POLA1: variants seen among roughly 807,000 people sequenced by gnomAD.
The protein encoded by POLA1 is DNA polymerase alpha 1, catalytic subunit.
A neutral mutation model predicts 124.0 loss-of-function variants in POLA1; 15 were observed. The ratio of observed to expected loss-of-function variants is 0.12; its 90% CI spans 0.08 to 0.19. POLA1 has a LOEUF of 0.19. Among genes scored for constraint, POLA1 ranks in the 10% least tolerant of loss-of-function variants. The probability of loss-of-function intolerance (pLI) is 1.00; values close to 1 mark genes in which losing one functional copy is unlikely to be tolerated. For missense variants in POLA1, 886 were observed against 1,103.4 expected, an observed-to-expected ratio of 0.80 and a Z score of 2.79; for synonymous variants, 408 against 389.4, an observed-to-expected ratio of 1.05 and a Z score of -0.56.
intron 36 of POLA1, among the ~76,000 whole-genome samples, chrX:24,975,083 C>G (rs909227358): frequency 3.6e-4 from 41 of 112,439 alleles, no homozygotes; most frequent in African/African-American, 1.2e-3. Flanking sequence ...ATGATCTCGG[C>G]TCACTGCAAC....
At chrX:24,809,848 A>C (rs761489616) in intron 26 of POLA1, 50 bp from the exon 27 acceptor site, 6 of 758,176 alleles carry the variant, frequency 7.9e-6, no homozygotes, top group Non-Finnish European at 1.2e-5. Context: ...GCTTCTATTT[A>C]TGTCTTTATA....
chrX:24,989,593 T>TA (rs1215400054), intron 36 of POLA1, among the ~76,000 whole-genome samples: 4 of 111,425 alleles, frequency 3.6e-5, no homozygotes, highest in African/African-American at 1.3e-4. Flanking sequence ...CTAATGAAGA[T>TA]ACTCAGAATG....
At chrX:24,983,051 C>A (rs949632919) in intron 36 of POLA1, among the ~76,000 whole-genome samples, 15 of 111,958 alleles carry the variant, frequency 1.3e-4, no homozygotes, top group African/African-American at 4.9e-4. Context: ...TTCTGGGCTG[C>A]CTTTCTTCTA....
chrX:24,877,828 C>A (rs1333076432), intron 34 of POLA1, among the ~76,000 whole-genome samples: 2 of 111,208 alleles, frequency 1.8e-5, no homozygotes, highest in Non-Finnish European at 3.8e-5. Context: ...TCCCATGTTG[C>A]AGCCAAAGGT....
chrX:24,925,030 C>CA (rs2047670924), intron 35 of POLA1, among the ~76,000 whole-genome samples: 1 of 111,960 alleles, frequency 8.9e-6, no homozygotes, highest in South Asian at 3.7e-4. Flanking sequence ...TGATCTCTGT[C>CA]AGTGCTAGTG....
At chrX:24,969,064 T>C (rs2048266046) in intron 36 of POLA1, among the ~76,000 whole-genome samples, 1 of 109,988 alleles carries the variant, frequency 9.1e-6, no homozygotes. Flanking sequence ...AAAAATTAGC[T>C]GGGTGTGGTG....
At chrX:24,938,887 A>G (rs1332253838) in intron 36 of POLA1, among the ~76,000 whole-genome samples, 1 of 112,347 alleles carries the variant, frequency 8.9e-6, no homozygotes, top group African/African-American at 3.2e-5. Context: ...GGCTCTGTAC[A>G]TTTTCTGCCA....
At chrX:24,885,815 C>T (rs747033912) in intron 34 of POLA1, among the ~76,000 whole-genome samples, 24 of 112,288 alleles carry the variant, frequency 2.1e-4, no homozygotes, top group African/African-American at 3.2e-4. Flanking sequence ...TGAACCACTG[C>T]GCCCGGCCAG....
chrX:24,744,172 A>AT (rs1425606204), intron 23 of POLA1, among the ~76,000 whole-genome samples: 1 of 112,845 alleles, frequency 8.9e-6, no homozygotes, highest in Non-Finnish European at 1.9e-5. Flanking sequence ...TTATCTAATA[A>AT]GTTAGTTCTG....
chrX:24,788,297 T>C (rs902529504), intron 26 of POLA1: 1 of 921,341 alleles, frequency 1.1e-6, no homozygotes, highest in African/African-American at 2.0e-5. Context: ...TCATCTAAGA[T>C]TGGGAACAAG....
intron 7 of POLA1, 98 bp from the exon 8 acceptor site, chrX:24,716,786 T>A (rs1929869563): frequency 2.1e-6 from 1 of 474,484 alleles, no homozygotes; most frequent in Non-Finnish European, 3.6e-6. Context: ...TAAAATCTTT[T>A]TATAAAAGGG....
At position 24,995,983 on chromosome X, in the gene POLA1, T is replaced by C. The variant is rs765035263; in HGVS notation, c.*33T>C. The C allele has an allele frequency of 1.7e-5, 20 of 1,179,998 alleles. No homozygotes were observed. The highest frequency in any genetic ancestry group is 2.2e-5 in the Admixed American group (1 of 44,845). On this transcript the variant is annotated 3_prime_UTR_variant, in exon 37 of 37. Transcript: ENST00000379068. ...CCAGGAGTAACCAAGGAGGGGGTAG[T>C]TGAAAAATCCCAGCTTCCTCTGTGC...
At chrX:24,883,054 T>G (rs748387646) in intron 34 of POLA1, among the ~76,000 whole-genome samples, 2 of 111,883 alleles carry the variant, frequency 1.8e-5, no homozygotes, top group African/African-American at 3.3e-5. Flanking sequence ...CTGACTAGTG[T>G]GAGATGGTAT....
chrX:24,817,607 CAAAAA>C (rs1171262514), intron 30 of POLA1, among the ~76,000 whole-genome samples: 1 of 33,481 alleles, frequency 3.0e-5, no homozygotes. Flanking sequence ...GATTCCATCT[CAAAAA>C]AAAAAAAAAA....
chrX:24,866,708 G>A (rs888010066), intron 34 of POLA1, among the ~76,000 whole-genome samples: 6 of 111,934 alleles, frequency 5.4e-5, no homozygotes, highest in Non-Finnish European at 1.1e-4. Flanking sequence ...TTTTAAAAAT[G>A]ATCTCACTTT....
At chrX:24,839,740 T>C (rs774765971) in intron 32 of POLA1, among the ~76,000 whole-genome samples, 1 of 112,857 alleles carries the variant, frequency 8.9e-6, no homozygotes, top group East Asian at 2.8e-4. Context: ...TTCTTTTTCC[T>C]TATCTTTTGA....
intron 34 of POLA1, among the ~76,000 whole-genome samples, chrX:24,871,592 T>A (rs1207243182): frequency 1.8e-5 from 2 of 111,305 alleles, no homozygotes; most frequent in Non-Finnish European, 1.9e-5. Context: ...AACCTTATTT[T>A]TTTTTTTTTA....
intron 12 of POLA1, 27 bp from the exon 13 acceptor site, chrX:24,725,954 G>A: frequency 9.9e-7 from 1 of 1,006,263 alleles, no homozygotes; most frequent in Non-Finnish European, 1.4e-6. Context: ...TTGTCTTAAG[G>A]ATTTTTTAAA....
chrX:24,835,537 G>T (rs2046330666), intron 32 of POLA1, among the ~76,000 whole-genome samples: 1 of 110,144 alleles, frequency 9.1e-6, no homozygotes, highest in African/African-American at 3.3e-5. Context: ...TCCAGTCAGG[G>T]TCAACTTGGT....
Sources: gnomAD v4.1 joint callset for allele counts (sites outside exome capture counted in the v4.1 genomes callset) on GRCh38, gnomAD v4.1.1 for gene constraint, MANE v1.5 for transcripts, NCBI Gene and HGNC (gene_info 2026-07-23, HGNC 2026-07-21) for gene names.